NRG3: variants seen among roughly 807,000 people sequenced by gnomAD.
NRG3 encodes the protein neuregulin 3.
In NRG3, 31 loss-of-function variants were observed where a neutral mutation model predicts 66.9. The observed-to-expected ratio is 0.46, with a 90% CI of 0.35 to 0.63. NRG3 has a LOEUF of 0.63. Ranked by LOEUF, NRG3 falls within the 20% of genes least tolerant of loss-of-function variation. NRG3 has a pLI of 0.00. For synonymous variants in NRG3, 393 were observed against 359.4 expected (o/e 1.09, Z -1.06); for missense variants, 910 against 878.9 (o/e 1.04, Z -0.45).
At chr10:82,968,510 A>C (rs561764166) in intron 6 of NRG3, among the ~76,000 whole-genome samples, 2 of 152,372 alleles carry the variant, frequency 1.3e-5, no homozygotes, top group African/African-American at 4.8e-5. Context: ...ATGAATAAAC[A>C]GAACAGGTTA....
intron 2 of NRG3, among the ~76,000 whole-genome samples, chr10:82,555,764 T>C (rs1032891948): frequency 2.0e-5 from 3 of 152,330 alleles, no homozygotes; most frequent in Non-Finnish European, 4.4e-5. Context: ...GAAACATACA[T>C]ATCCCTTTCT....
intron 1 of NRG3, among the ~76,000 whole-genome samples, chr10:82,333,496 A>G (rs2082241282): frequency 6.6e-6 from 1 of 152,218 alleles, no homozygotes. Context: ...GTCCCTCAGT[A>G]TAGGAGGCAG....
At position 82,538,567 on chromosome 10, in the gene NRG3, T is replaced by C. The variant is rs1398178898; in HGVS notation, c.953+179699T>C. Among the ~76,000 whole-genome samples the C allele has an allele frequency of 2.0e-5, 3 of 152,260 alleles. No individual in the cohort carries two copies. The East Asian group carries it at 5.8e-4, about 30-fold the overall frequency. On this transcript the variant is annotated intron_variant, in intron 2 of 8. Coordinates refer to ENST00000372141, the MANE Select transcript of NRG3 (RefSeq NM_001010848.4). ...TTGTGTGTGTAGGAGTACTTGATTG[T>C]TCCATTTATTGCAATCTATGTTCCA...
Position 82,056,300 on chromosome 10 carries a change from A to G in NRG3, c.823+180137A>G, listed in dbSNP as rs867633745. On this transcript the variant is annotated intron_variant, in intron 1 of 8. Coordinates refer to ENST00000372141, the MANE Select transcript of NRG3 (RefSeq NM_001010848.4). ...GTGTGATGACTTTAAAGAGTTGAAT[A>G]TGGTAGTAAAATGGTGAAAGGATTA... Among the ~76,000 whole-genome samples, 5 of 152,110 alleles carry G rather than the reference A, an allele frequency of 3.3e-5. No homozygotes were observed. The South Asian group carries it at 1.0e-3, about 31-fold the overall frequency.
In NRG3 at chr10:82,959,076, G is replaced by A; in HGVS notation, c.1284+1G>A. 3.1e-6 allele frequency: 5 copies of A among 1,595,660 alleles called. No homozygotes were observed. The highest frequency in any genetic ancestry group is 4.3e-6 in the Non-Finnish European group (5 of 1,173,800). ...GAAGAGCCATGTCCAGCTGCAAAATGTAAGTGACATGTCTACACACCTCCT... is the reference window on the plus strand; with the variant it reads ...GAAGAGCCATGTCCAGCTGCAAAATATAAGTGACATGTCTACACACCTCCT... On this transcript the variant is annotated splice_donor_variant, in intron 6 of 8. Transcript: ENST00000372141. LOFTEE classifies it high-confidence loss of function.
intron 2 of NRG3, among the ~76,000 whole-genome samples, chr10:82,482,282 A>G (rs1449100042): frequency 1.3e-5 from 2 of 152,180 alleles, no homozygotes; most frequent in Non-Finnish European, 2.9e-5. Context: ...CTTAGTAGAA[A>G]GGCTGCCACA....
At chr10:82,496,996 A>G (rs1489691720) in intron 2 of NRG3, among the ~76,000 whole-genome samples, 1 of 152,126 alleles carries the variant, frequency 6.6e-6, no homozygotes, top group African/African-American at 2.4e-5. Flanking sequence ...TCAGTCTTTA[A>G]TTAAAAGTTG....
At chr10:82,315,673 T>TG (rs200842207) in intron 1 of NRG3, among the ~76,000 whole-genome samples, 3,562 of 151,316 alleles carry the variant, frequency 0.024, 144 homozygotes, top group African/African-American at 0.081. Context: ...TGTTGTTTTT[T>TG]TTTTTTTTTT....
chr10:82,634,664 C>T (rs1157428724), intron 2 of NRG3, among the ~76,000 whole-genome samples: 1 of 152,066 alleles, frequency 6.6e-6, no homozygotes, highest in East Asian at 1.9e-4. Context: ...ATGGTTTTTC[C>T]TGAAAGCAAA....
chr10:81,887,117 G>A lies in NRG3; in HGVS notation c.823+10954G>A, dbSNP rs147689233. 1.1e-4 allele frequency among the ~76,000 whole-genome samples: 17 copies of A among 152,160 alleles called. No individual in the cohort carries two copies. The East Asian group carries it at 2.9e-3, about 26-fold the overall frequency. On this transcript the variant is annotated intron_variant, in intron 1 of 8. Transcript: ENST00000372141. ...TCTGTGAAGATTGTTTTTTCTTTAT[G>A]TCTAAAGAGTTTGTTTCTTAATTGG... is the stretch of plus-strand genomic sequence containing the variant.
At chr10:82,229,059 C>T (rs1346413552) in intron 1 of NRG3, 1 of 152,190 alleles carries the variant, frequency 6.6e-6, no homozygotes, top group Non-Finnish European at 1.5e-5. Context: ...CACTTTAATG[C>T]ATTTCATGGT....
chr10:82,317,336 G>T (rs890351858), intron 1 of NRG3, among the ~76,000 whole-genome samples: 1 of 151,814 alleles, frequency 6.6e-6, no homozygotes, highest in African/African-American at 2.4e-5. Flanking sequence ...GGAAGAAAAT[G>T]AATTTTTTTC....
intron 1 of NRG3, among the ~76,000 whole-genome samples, chr10:82,203,672 T>C (rs2074965538): frequency 6.6e-6 from 1 of 152,144 alleles, no homozygotes; most frequent in Admixed American, 6.6e-5. Context: ...AAAAAATAAT[T>C]AATGGCCGAA....
chr10:82,867,844 T>C (rs1840905286), intron 4 of NRG3, among the ~76,000 whole-genome samples: 1 of 146,650 alleles, frequency 6.8e-6, no homozygotes, highest in South Asian at 2.2e-4. Flanking sequence ...TAAGAATACA[T>C]TGTTGAGAAG....
intron 2 of NRG3, among the ~76,000 whole-genome samples, chr10:82,569,214 T>C (rs1435803812): frequency 6.6e-6 from 1 of 151,766 alleles, no homozygotes; most frequent in Non-Finnish European, 1.5e-5. Flanking sequence ...ATAATAATAC[T>C]AATAATAAAA....
At chr10:82,428,937 A>G (rs978126521) in intron 2 of NRG3, among the ~76,000 whole-genome samples, 2 of 151,996 alleles carry the variant, frequency 1.3e-5, no homozygotes, top group Non-Finnish European at 2.9e-5. Context: ...TATTACTGAT[A>G]CATTAAAAAT....
At chr10:82,699,878 T>TGTGC (rs1468263438) in intron 2 of NRG3, among the ~76,000 whole-genome samples, 1 of 150,920 alleles carries the variant, frequency 6.6e-6, no homozygotes, top group Non-Finnish European at 1.5e-5. Flanking sequence ...TGTGTGTGTG[T>TGTGC]GTGCATTCAA....
intron 1 of NRG3, among the ~76,000 whole-genome samples, chr10:82,297,437 T>A (rs1215400351): frequency 2.0e-5 from 3 of 152,174 alleles, no homozygotes; most frequent in African/African-American, 7.2e-5. Flanking sequence ...TGACTGCCAG[T>A]ATTGCTTGGA....
chr10:82,734,647 G>T (rs1405673240), intron 2 of NRG3, among the ~76,000 whole-genome samples: 2 of 151,810 alleles, frequency 1.3e-5, no homozygotes, highest in East Asian at 1.9e-4. Context: ...TTTGCACATG[G>T]TCTCCTCAAC....
Sources: gnomAD v4.1 joint callset for allele counts (sites outside exome capture counted in the v4.1 genomes callset) on GRCh38, gnomAD v4.1.1 for gene constraint, MANE v1.5 for transcripts, NCBI Gene and HGNC (gene_info 2026-07-23, HGNC 2026-07-21) for gene names.